TEP1: variants seen among roughly 807,000 people sequenced by gnomAD.
The protein encoded by TEP1 is telomerase associated protein 1, also known as telomerase protein component 1.
TEP1 carries 241 observed loss-of-function variants against 306.3 expected under a neutral mutation model. That is an observed-to-expected ratio of 0.79 (90% CI 0.71 to 0.88). The LOEUF (loss-of-function observed/expected upper bound fraction) is 0.88, where lower values mean the gene tolerates loss of function less well. Ranked by LOEUF, TEP1 falls within the 40% of genes least tolerant of loss-of-function variation. The probability of loss-of-function intolerance (pLI) is 0.00; values close to 1 mark genes in which losing one functional copy is unlikely to be tolerated. For synonymous variants in TEP1, 1,289 were observed against 1,305.5 expected (o/e 0.99, Z 0.27); for missense variants, 3,051 against 3,276.1 (o/e 0.93, Z 1.68).
In TEP1 at chr14:20,376,110, C is replaced by G; in HGVS notation, c.6243G>C (p.Arg2081=). ...TDGGSLATGG[R]DRSLLCWDVR... ...GCATCCTTCTGCAGCTCACCCGATC[C>G]CGGCCCCCGGTGGCCAGGCTGCCTC... The change falls in exon 42 of 55, where the codon CGG becomes CGC. Residue 2081 remains arginine (R), a synonymous_variant. Transcript: ENST00000262715. 6.2e-7 allele frequency: 1 copy of G among 1,613,842 alleles called. No homozygotes were observed. The highest frequency in any genetic ancestry group is 8.5e-7 in the Non-Finnish European group (1 of 1,179,914).
chr14:20,405,109 A>G (rs1241414764), intron 4 of TEP1, among the ~76,000 whole-genome samples: 1 of 152,208 alleles, frequency 6.6e-6, no homozygotes, highest in East Asian at 1.9e-4. Context: ...CCAAAGCATC[A>G]TAGAAGATAT....
At chr14:20,402,169 ATGG>A (rs772928207) in intron 7 of TEP1, among the ~76,000 whole-genome samples, 3 of 152,176 alleles carry the variant, frequency 2.0e-5, no homozygotes, top group Non-Finnish European at 2.9e-5. Flanking sequence ...TTAGCTGGGC[ATGG>A]TGGTGGATGT....
intron 20 of TEP1, 133 bp from the exon 21 acceptor site, chr14:20,385,242 T>C (rs1054227963): frequency 5.8e-6 from 6 of 1,036,854 alleles, no homozygotes; most frequent in Non-Finnish European, 8.2e-6. Context: ...CAATAAAATA[T>C]AGCTAATAGC....
intron 16 of TEP1, 127 bp from the exon 17 acceptor site, chr14:20,389,424 C>A: frequency 1.4e-6 from 2 of 1,417,968 alleles, no homozygotes; most frequent in South Asian, 2.4e-5. Flanking sequence ...TAGGCTAGGG[C>A]TAGGGTGGAC....
At position 20,386,560 on chromosome 14, in the gene TEP1, C is replaced by T; in HGVS notation, c.2748G>A (p.Leu916=). 2 of 1,612,462 alleles carry T rather than the reference C, an allele frequency of 1.2e-6. No homozygotes were observed. The highest frequency in any genetic ancestry group is 1.7e-6 in the Non-Finnish European group (2 of 1,178,932). Reference sequence around the variant, plus strand: ...GTGCTGGCAGCACAGACCTCAGCAGCAGGTCCCGCTCCCCATGCATGTCTC... The same window carrying T: ...GTGCTGGCAGCACAGACCTCAGCAGTAGGTCCCGCTCCCCATGCATGTCTC... ...TFRDMHGERD[L]LLRSVLPALQ... The change falls in exon 19 of 55, where the codon CTG becomes CTA. Residue 916 remains leucine, a synonymous_variant. Coordinates refer to ENST00000262715, the MANE Select transcript of TEP1 (RefSeq NM_007110.5).
At chr14:20,383,699 G>A in intron 25 of TEP1, 44 bp downstream of exon 25, 1 of 1,607,678 alleles carries the variant, frequency 6.2e-7, no homozygotes, top group Non-Finnish European at 8.5e-7. Context: ...AGCAGGGGTG[G>A]TACGTGGGCA....
At position 20,391,078 on chromosome 14, in the gene TEP1, G is replaced by A. The variant is rs749951619; in HGVS notation, c.2116C>T (p.Leu706=). The change falls in exon 14 of 55, where the codon CTG becomes TTG. Residue 706 remains leucine (L), a synonymous_variant. Coordinates refer to ENST00000262715, the MANE Select transcript of TEP1 (RefSeq NM_007110.5). The part of the protein sequence containing the change: ...NPQGPPLNYA[L]LLIGMMITRA... ...GTGATCATCATCCCAATCAACAGCA[G>A]TGCATAGTTCAGCGGGGGCTGATTG... 9 of 1,614,158 alleles carry A rather than the reference G, an allele frequency of 5.6e-6. No homozygotes were observed. In the East Asian group the frequency reaches 2.0e-4, roughly 36 times the overall value.
chr14:20,397,674 T>A (rs758234520), intron 9 of TEP1, among the ~76,000 whole-genome samples: 2 of 152,208 alleles, frequency 1.3e-5, no homozygotes, highest in Non-Finnish European at 2.9e-5. Context: ...GCACTGGAGA[T>A]AGAATTTCAC....
Position 20,376,142 on chromosome 14 carries a change from T to C in TEP1, c.6211A>G (p.Thr2071Ala), listed in dbSNP as rs1295708445. The change falls in exon 42 of 55, where the codon ACT becomes GCT. Residue 2071 changes from threonine (T) to alanine (A), a missense_variant. This residue lies in a region of TEP1 where 1,540 missense variants were observed against 1,705.9 expected (regional missense o/e 0.90). Coordinates refer to ENST00000262715, the MANE Select transcript of TEP1 (RefSeq NM_007110.5). ...EGPVSCCSFS[T>A]DGGSLATGGR... ...CCGGTGGCCAGGCTGCCTCCATCAG[T>C]GCTGAAACTACAGCAGCTCACAGGG... 6.8e-6 allele frequency: 11 copies of C among 1,614,178 alleles called. No individual in the cohort carries two copies. The South Asian group carries it at 1.1e-4, about 16-fold the overall frequency.
In TEP1 at chr14:20,389,592, A is replaced by T. The variant is rs548630409; in HGVS notation, c.2465+18T>A. The T allele has an allele frequency of 7.4e-6, 12 of 1,613,040 alleles. 1 individual carries two copies. In the South Asian group the frequency reaches 1.3e-4, roughly 18 times the overall value. On this transcript the variant is annotated intron_variant, in intron 16 of 54. Coordinates refer to ENST00000262715, the MANE Select transcript of TEP1 (RefSeq NM_007110.5). ...CCACTGATTTCTGACACTGGGCAGG[A>T]AGTATAAGCACCCTTACAGGTATTG...
At position 20,408,065 on chromosome 14, in the gene TEP1, G is replaced by C; in HGVS notation, c.375C>G (p.Ser125Arg). Residue 125 changes from serine (S) to arginine (R), a missense_variant, in exon 2 of 55, where the codon AGC (serine) becomes AGG (arginine). Transcript: ENST00000262715. ...LSSLKSTVSA[S>R]PLFQSLQISH... ...ATATCTGTAGACTCTGGAACAAGGGGCTGGCAGACACAGTGCTCTTTAGAC... is the reference window on the plus strand; with the variant it reads ...ATATCTGTAGACTCTGGAACAAGGGCCTGGCAGACACAGTGCTCTTTAGAC... 1 of 1,614,164 alleles carries C rather than the reference G, an allele frequency of 6.2e-7. No homozygotes were observed. The highest frequency in any genetic ancestry group is 1.7e-5 in the Admixed American group (1 of 60,016).
rs763441012 is a variant in TEP1 at position 20,378,090 on chromosome 14, G to C, written c.5655C>G (p.Gly1885=). ...ARLAAFPAHH[G]FVAAALFLHA... ...GCAGGAAAAGCGCAGCAGCAACAAAGCCATGGTGGGCAGGGAAGGCAGCCA... is the reference window on the plus strand; with the variant it reads ...GCAGGAAAAGCGCAGCAGCAACAAACCCATGGTGGGCAGGGAAGGCAGCCA... Residue 1885 remains glycine, a synonymous_variant, in exon 39 of 55, where the codon GGC becomes GGG. Coordinates refer to ENST00000262715, the MANE Select transcript of TEP1 (RefSeq NM_007110.5). 6.2e-6 allele frequency: 10 copies of C among 1,613,808 alleles called. No individual in the cohort carries two copies. The highest frequency in any genetic ancestry group is 8.5e-6 in the Non-Finnish European group (10 of 1,180,040).
At chr14:20,407,340 C>CTGTTTTTTGTTGTGTCT (rs1350796889) in intron 2 of TEP1, among the ~76,000 whole-genome samples, 4 of 152,142 alleles carry the variant, frequency 2.6e-5, no homozygotes, top group South Asian at 2.1e-4. Context: ...AGGACAGGGA[C>CTGTTTTTTGTTGTGTCT]TGTTTTTTGT....
intron 35 of TEP1, among the ~76,000 whole-genome samples, chr14:20,379,630 T>C (rs1885409559): frequency 6.6e-6 from 1 of 152,256 alleles, no homozygotes; most frequent in East Asian, 1.9e-4. Flanking sequence ...GGCTATGTTT[T>C]GGTTCCTTTT....
At position 20,373,518 on chromosome 14, in the gene TEP1, G is replaced by A; in HGVS notation, c.6670C>T (p.His2224Tyr). Residue 2224 changes from histidine (H) to tyrosine (Y), a missense_variant, in exon 46 of 55, where the codon CAT becomes TAT. This residue lies in a region of TEP1 where 1,540 missense variants were observed against 1,705.9 expected (regional missense o/e 0.90). Transcript: ENST00000262715. ...VGLDGATRLW[H>Y]PLLVCQTHTL... ...TTGCAGGAACTCACCAAGAGTGGAT[G>A]CCATAACCGTGTGGCCCCATCTAGC... 1.2e-6 allele frequency: 2 copies of A among 1,614,222 alleles called. No homozygotes were observed. Among genetic ancestry groups the A allele is most frequent in the Non-Finnish European group, 1.7e-6 (2 of 1,180,048 alleles).
intron 24 of TEP1, 36 bp from the exon 25 acceptor site, chr14:20,383,954 T>G: frequency 6.3e-7 from 1 of 1,591,388 alleles, no homozygotes. Flanking sequence ...TGGTCACATT[T>G]TACATGCCTG....
rs1188979357 is a variant in TEP1 at position 20,407,943 on chromosome 14, A to G, written c.497T>C (p.Leu166Pro). The change falls in exon 2 of 55, where the codon CTA becomes CCA. Residue 166 changes from leucine (L) to proline (P), a missense_variant. Physicochemically the swap from Leu to Pro is moderately conservative, Grantham distance 98. Around this residue, in one of 3 missense-constraint regions of TEP1, gnomAD observed 1,507 missense variants for 1,550.5 expected, o/e 0.97. Coordinates refer to ENST00000262715, the MANE Select transcript of TEP1 (RefSeq NM_007110.5). ...GGCTATAGGGCAGGTTGAAAGGTCT[A>G]GTCCCTTAGAGAAATGCTGAGCCCT... ...SWRAQHFSKG[L>P]DLSTCPIALK... 6.2e-7 allele frequency: 1 copy of G among 1,614,080 alleles called. No homozygotes were observed. Among genetic ancestry groups the G allele is most frequent in the East Asian group, 2.2e-5 (1 of 44,904 alleles).
Position 20,373,592 on chromosome 14 carries a change from A to G in TEP1, c.6605-9T>C. 1.2e-6 allele frequency: 2 copies of G among 1,614,216 alleles called. No individual in the cohort carries two copies. Among genetic ancestry groups the G allele is most frequent in the Non-Finnish European group, 1.7e-6 (2 of 1,180,036 alleles). On this transcript the variant is annotated splice_polypyrimidine_tract_variant and intron_variant, in intron 45 of 54. Transcript: ENST00000262715. ...TGACCCAGGCTGTCCAGCTGATAAG[A>G]CACAGAGACTGAGTCAGAAGAAGGG...
rs756614889 is a variant in TEP1, at chr14:20,407,969, C to T, written c.471G>A (p.Trp157Ter). 2 of 1,614,210 alleles carry T rather than the reference C, an allele frequency of 1.2e-6. No individual in the cohort carries two copies. The highest frequency in any genetic ancestry group is 1.7e-5 in the Admixed American group (1 of 60,022). ...SNCLLSEPPS[W>*]RAQHFSKGLD... ...GTCCCTTAGAGAAATGCTGAGCCCT[C>T]CAACTTGGAGGCTCAGAGAGCAGGC... is the stretch of plus-strand genomic sequence containing the variant. Residue 157 changes from tryptophan to a stop codon, truncating the protein, a stop_gained, in exon 2 of 55, where the codon TGG becomes TGA. Transcript: ENST00000262715. LOFTEE classifies it high-confidence loss of function.
Sources: gnomAD v4.1 joint callset for allele counts (sites outside exome capture counted in the v4.1 genomes callset) on GRCh38, gnomAD v4.1.1 for gene constraint, gnomAD v4.1.1 regional missense constraint, MANE v1.5 for transcripts, NCBI Gene and HGNC (gene_info 2026-07-23, HGNC 2026-07-21) for gene names.